The following LYPD5 variants were observed in gnomAD, a reference collection of about 807,000 sequenced individuals.
The protein encoded by LYPD5 is LY6/PLAUR domain containing 5.
LYPD5 carries 21 observed loss-of-function variants against 19.1 expected under a neutral mutation model. The observed-to-expected ratio is 1.10, with a 90% CI of 0.78 to 1.58. LYPD5 has a LOEUF of 1.58. Among genes scored for constraint, LYPD5 ranks in the 40% most tolerant of loss-of-function variants. LYPD5 has a pLI of 0.00. For synonymous variants in LYPD5, 128 were observed against 142.7 expected (o/e 0.90, Z 0.74); for missense variants, 287 against 329.8 (o/e 0.87, Z 1.00).
chr19:43,815,783 G>T, intron 1 of LYPD5: 2 of 394,612 alleles, frequency 5.1e-6, no homozygotes, highest in South Asian at 1.9e-5. Flanking sequence ...TGTCACCCTG[G>T]CTGGAGTGCA....
upstream of LYPD5, among the ~76,000 whole-genome samples, chr19:43,805,188 A>G (rs1451926096): frequency 6.6e-6 from 1 of 151,732 alleles, no homozygotes; most frequent in South Asian, 2.1e-4. Flanking sequence ...GCCTCTCAAA[A>G]TTTTTTTTCA....
At chr19:43,815,235 G>A (rs1970360828) in intron 1 of LYPD5, among the ~76,000 whole-genome samples, 1 of 152,074 alleles carries the variant, frequency 6.6e-6, no homozygotes, top group Non-Finnish European at 1.5e-5. Flanking sequence ...CAGTCATGAT[G>A]GGTCACGCCT....
Position 43,797,459 on chromosome 19 carries a change from A to T in LYPD5, c.*132T>A. The T allele has an allele frequency of 1.3e-6, 1 of 766,896 alleles. No individual in the cohort carries two copies. The highest frequency in any genetic ancestry group is 1.7e-5 in the African/African-American group (1 of 57,592). 47.5% of individuals were successfully genotyped at this position (766,896 alleles called of 1,614,324 possible). A position where few individuals can be genotyped will look rare whatever the true frequency, so the allele number is the denominator to read the frequency against. ...CCAGGTTGTGGGGCACAAGGGCGGG[A>T]GAGATGGAAGGCCAGAGGGACAGGA... is the stretch of plus-strand genomic sequence containing the variant. On this transcript the variant is annotated 3_prime_UTR_variant, in exon 5 of 5. Transcript: ENST00000377950.
Position 43,797,542 on chromosome 19 carries a change from G to A in LYPD5, c.*49C>T, listed in dbSNP as rs1258113678. The A allele has an allele frequency of 2.2e-6, 3 of 1,383,150 alleles. No individual in the cohort carries two copies. Among genetic ancestry groups the A allele is most frequent in the Non-Finnish European group, 3.0e-6 (3 of 1,000,276 alleles). The allele number at this position is 1,383,150 out of a possible 1,614,324, so 85.7% of individuals were successfully genotyped here. A position where few individuals can be genotyped will look rare whatever the true frequency, so the allele number is the denominator to read the frequency against. On this transcript the variant is annotated 3_prime_UTR_variant, in exon 5 of 5. Coordinates refer to ENST00000377950, the MANE Select transcript of LYPD5 (RefSeq NM_001031749.3). ...GAGCTATGTGATAGGGGCTGAAGCA[G>A]CAAGAATGAGGTGTGTGAGCCCTGT...
At chr19:43,809,462 C>T (rs149811331) in intron 1 of LYPD5, among the ~76,000 whole-genome samples, 3,451 of 152,262 alleles carry the variant, frequency 0.023, 53 homozygotes, top group Middle Eastern at 0.054. Context: ...CTCACTGCAA[C>T]CTTCGCCTCC....
At chr19:43,805,498 T>G (rs1369749910), upstream of LYPD5, among the ~76,000 whole-genome samples, 3 of 152,166 alleles carry the variant, frequency 2.0e-5, no homozygotes, top group African/African-American at 7.2e-5. Flanking sequence ...CAATATATTC[T>G]TTTGTTATTT....
intron 1 of LYPD5, among the ~76,000 whole-genome samples, chr19:43,815,573 TAAAACA>T (rs1440878222): frequency 1.3e-5 from 2 of 151,370 alleles, no homozygotes; most frequent in African/African-American, 4.8e-5. Context: ...AGACTCTGTC[TAAAACA>T]AAAACAAAAC....
intron 1 of LYPD5, among the ~76,000 whole-genome samples, chr19:43,819,993 A>C (rs367881326): frequency 0.095 from 14,509 of 152,112 alleles, 830 homozygotes; most frequent in Non-Finnish European, 0.13. Flanking sequence ...CTGTGTAGCT[A>C]GAGAAGGAAA....
intron 1 of LYPD5, among the ~76,000 whole-genome samples, chr19:43,813,115 A>ATGAGGTAGCTGGCTGGTCTCCT (rs1164905712): frequency 3.3e-5 from 5 of 152,208 alleles, no homozygotes; most frequent in African/African-American, 1.2e-4. Context: ...TTACGTTACT[A>ATGAGGTAGCTGGCTGGTCTCCT]TGAGGTAGCT....
chr19:43,802,093 G>A (rs1970228714), intron 1 of LYPD5, among the ~76,000 whole-genome samples: 1 of 152,060 alleles, frequency 6.6e-6, no homozygotes, highest in Non-Finnish European at 1.5e-5. Flanking sequence ...ATAGCCTCCA[G>A]GCTCCTGCCC....
In LYPD5 at chr19:43,796,129, T is replaced by C. The variant is rs977613543; in HGVS notation, c.*1462A>G. 3 of 152,240 alleles carry C rather than the reference T, an allele frequency of 2.0e-5. No homozygotes were observed. In the East Asian group the frequency reaches 5.8e-4, roughly 29 times the overall value. The allele number at this position is 152,240 out of a possible 1,614,324, so 9.4% of individuals were successfully genotyped here. A position where few individuals can be genotyped will look rare whatever the true frequency, so the allele number is the denominator to read the frequency against. ...GGGCACTAATCCTATTCATGGGGGC[T>C]CCACCCTCATGATCTCACCACCTCC... On this transcript the variant is annotated 3_prime_UTR_variant, in exon 5 of 5. Coordinates refer to ENST00000377950, the MANE Select transcript of LYPD5 (RefSeq NM_001031749.3).
At chr19:43,818,350 G>A (rs1413270216) in intron 1 of LYPD5, among the ~76,000 whole-genome samples, 1 of 152,192 alleles carries the variant, frequency 6.6e-6, no homozygotes, top group African/African-American at 2.4e-5. Flanking sequence ...GTATAGTGTG[G>A]TAGGGAAGGA....
intron 1 of LYPD5, among the ~76,000 whole-genome samples, chr19:43,818,522 G>A (rs142838165): frequency 2.6e-3 from 396 of 152,288 alleles, no homozygotes; most frequent in African/African-American, 9.2e-3. Flanking sequence ...TATTAACTCC[G>A]CTGTACTTCC....
upstream of LYPD5, among the ~76,000 whole-genome samples, chr19:43,803,093 G>T (rs1306905155): frequency 6.6e-6 from 1 of 152,178 alleles, no homozygotes; most frequent in Non-Finnish European, 1.5e-5. Context: ...GTGCCTTCGA[G>T]GAAGCAATTA....
intron 1 of LYPD5, among the ~76,000 whole-genome samples, chr19:43,810,529 C>T (rs2146503876): frequency 8.3e-6 from 1 of 121,072 alleles, no homozygotes; most frequent in African/African-American, 3.0e-5. Context: ...CCCTTCCCTT[C>T]CGTTCCCTCC....
chr19:43,806,354 T>C (rs913865537), upstream of LYPD5, among the ~76,000 whole-genome samples: 1 of 152,066 alleles, frequency 6.6e-6, no homozygotes, highest in Non-Finnish European at 1.5e-5. Flanking sequence ...GAGGGGACCA[T>C]CTAGTGGCAG....
At chr19:43,817,721 ATTT>A (rs201274723) in intron 1 of LYPD5, among the ~76,000 whole-genome samples, 1 of 145,776 alleles carries the variant, frequency 6.9e-6, no homozygotes. Context: ...GACTTTATTT[ATTT>A]TTTTTTTTTT....
intron 1 of LYPD5, 40 bp from the exon 2 acceptor site, chr19:43,799,874 G>C (rs1970200093): frequency 1.9e-6 from 3 of 1,571,974 alleles, no homozygotes; most frequent in Non-Finnish European, 2.6e-6. Flanking sequence ...GGGCCAGTGT[G>C]AGCCTGTCCC....
upstream of LYPD5, among the ~76,000 whole-genome samples, chr19:43,804,759 G>A (rs953138348): frequency 4.6e-5 from 7 of 152,276 alleles, no homozygotes; most frequent in Middle Eastern, 3.4e-3. Context: ...TATCCAGACC[G>A]GGGCAGGGTT....
Sources: allele counts gnomAD v4.1 joint callset (sites outside exome capture counted in the v4.1 genomes callset), GRCh38; gene constraint gnomAD v4.1.1; transcripts MANE v1.5; gene names NCBI Gene and HGNC (gene_info 2026-07-23, HGNC 2026-07-21).